The following EPB42 variants were observed in gnomAD, a reference collection of about 807,000 sequenced individuals.
EPB42 encodes the protein erythrocyte membrane protein band 4.2, also known as protein 4.2.
In EPB42, 49 loss-of-function variants were observed where a neutral mutation model predicts 76.9. The observed-to-expected ratio is 0.64, with a 90% CI of 0.51 to 0.81. The LOEUF (loss-of-function observed/expected upper bound fraction) is 0.81. Among genes scored for constraint, EPB42 ranks in the 30% least tolerant of loss-of-function variants. The probability of loss-of-function intolerance (pLI) is 0.00; values close to 1 mark genes in which losing one functional copy is unlikely to be tolerated. For synonymous variants in EPB42, 310 were observed against 338.4 expected (o/e 0.92, Z 0.92); for missense variants, 731 against 867.6 (o/e 0.84, Z 1.98).
chr15:43,224,174 C>A (rs1264749218), upstream of EPB42, among the ~76,000 whole-genome samples: 1 of 152,210 alleles, frequency 6.6e-6, no homozygotes, highest in Non-Finnish European at 1.5e-5. Context: ...CACATGCCCT[C>A]TTCCCTGTGT....
intron 5 of EPB42, among the ~76,000 whole-genome samples, chr15:43,209,823 G>T (rs545528699): frequency 6.6e-4 from 101 of 152,344 alleles, no homozygotes; most frequent in Middle Eastern, 3.4e-3. Flanking sequence ...CAACTCACAG[G>T]CTGGCCTGGA....
At chr15:43,208,427 G>T (rs535812077) in intron 7 of EPB42, 94 bp from the exon 8 acceptor site, 1 of 1,451,302 alleles carries the variant, frequency 6.9e-7, no homozygotes, top group South Asian at 1.1e-5. Context: ...TGTTGTTCCA[G>T]TGGGATGGGA....
At chr15:43,224,365 G>A (rs2042489346), upstream of EPB42, among the ~76,000 whole-genome samples, 1 of 152,120 alleles carries the variant, frequency 6.6e-6, no homozygotes, top group South Asian at 2.1e-4. Flanking sequence ...AATTTTTGGG[G>A]AGGACACAAT....
chr15:43,208,566 C>T, intron 7 of EPB42, 71 bp downstream of exon 7: 1 of 1,608,386 alleles, frequency 6.2e-7, no homozygotes, highest in Non-Finnish European at 8.5e-7. Context: ...GGGTGGGGCT[C>T]CTGCAGAGGT....
intron 3 of EPB42, among the ~76,000 whole-genome samples, chr15:43,213,141 T>C (rs927889808): frequency 6.6e-6 from 1 of 152,118 alleles, no homozygotes; most frequent in African/African-American, 2.4e-5. Flanking sequence ...TTTATTTTTT[T>C]GGAAATTACT....
chr15:43,218,720 C>G (rs968800296), intron 1 of EPB42, among the ~76,000 whole-genome samples: 1 of 152,246 alleles, frequency 6.6e-6, no homozygotes, highest in African/African-American at 2.4e-5. Context: ...GCCTCAGGCC[C>G]CCACCTGTGC....
intron 3 of EPB42, among the ~76,000 whole-genome samples, chr15:43,213,747 C>A (rs1432172323): frequency 3.3e-5 from 5 of 152,238 alleles, no homozygotes; most frequent in African/African-American, 1.2e-4. Context: ...CTACATTCAA[C>A]CACGTGGGGC....
rs772016528 is a variant in EPB42 at position 43,207,209 on chromosome 15, C to T, written c.1308G>A (p.Lys436=). The stretch of plus-strand genomic sequence containing the variant: ...TTCCCTGGCCCGTACCTTCAGGATA[C>T]TTGTAGTTCTGAGTGATGTCCTCGC... The part of the protein sequence containing the change: ...DRCEDITQNY[K]YPEGSLQEKE... Residue 436 remains lysine (K), a synonymous_variant, in exon 9 of 13, where the codon AAG becomes AAA. Coordinates refer to ENST00000441366, the MANE Select transcript of EPB42 (RefSeq NM_001114134.2). 6.2e-7 allele frequency: 1 copy of T among 1,614,042 alleles called. No homozygotes were observed. Among genetic ancestry groups the T allele is most frequent in the Non-Finnish European group, 8.5e-7 (1 of 1,179,910 alleles).
At chr15:43,201,678 G>C (rs544774314) in intron 12 of EPB42, among the ~76,000 whole-genome samples, 166 bp downstream of exon 12, 2 of 152,304 alleles carry the variant, frequency 1.3e-5, no homozygotes, top group East Asian at 3.9e-4. Context: ...CAGATATGGT[G>C]GTCCTAGGAT....
At chr15:43,204,928 T>C (rs2142273686) in intron 10 of EPB42, among the ~76,000 whole-genome samples, 1 of 150,564 alleles carries the variant, frequency 6.6e-6, no homozygotes, top group East Asian at 2.0e-4. Context: ...GATCGGAGTC[T>C]CTGAACCTAC....
intron 1 of EPB42, among the ~76,000 whole-genome samples, chr15:43,220,378 T>A (rs2042438935): frequency 6.6e-6 from 1 of 152,052 alleles, no homozygotes; most frequent in Non-Finnish European, 1.5e-5. Flanking sequence ...CTGTGACACC[T>A]TCATGCTACC....
chr15:43,202,365 C>A (rs558790777), intron 11 of EPB42, among the ~76,000 whole-genome samples: 3 of 152,206 alleles, frequency 2.0e-5, no homozygotes, highest in Non-Finnish European at 2.9e-5. Flanking sequence ...ACACGCCTCA[C>A]GCTACCTTCC....
chr15:43,219,794 A>C (rs982419121), intron 1 of EPB42, among the ~76,000 whole-genome samples: 4 of 152,040 alleles, frequency 2.6e-5, no homozygotes, highest in Non-Finnish European at 5.9e-5. Context: ...AAAATACAAA[A>C]AATTAGCCGG....
intron 10 of EPB42, among the ~76,000 whole-genome samples, chr15:43,203,645 A>G (rs1018139649): frequency 3.3e-5 from 5 of 152,084 alleles, no homozygotes; most frequent in African/African-American, 1.2e-4. Flanking sequence ...TTGTCACCTT[A>G]CAGAAGAAAT....
chr15:43,203,257 C>A lies in EPB42; in HGVS notation c.1637G>T (p.Gly546Val). 1 of 1,614,002 alleles carries A rather than the reference C, an allele frequency of 6.2e-7. No individual in the cohort carries two copies. Among genetic ancestry groups the A allele is most frequent in the Non-Finnish European group, 8.5e-7 (1 of 1,180,014 alleles). Reference sequence around the variant, plus strand: ...TCGCTCAAAATTGGAGAAGAACAGGCCGATGGTTATTATCTTTTCTGAAAC... The same window carrying A: ...TCGCTCAAAATTGGAGAAGAACAGGACGATGGTTATTATCTTTTCTGAAAC... ...SANLEKIITI[G>V]LFFSNFERNP... The change falls in exon 11 of 13, where the codon GGC becomes GTC. Residue 546 changes from glycine (G) to valine (V), a missense_variant. Transcript: ENST00000441366.
In EPB42 at chr15:43,209,390, C is replaced by T; in HGVS notation, c.716G>A (p.Gly239Glu). 6.2e-7 allele frequency: 1 copy of T among 1,613,830 alleles called. No individual in the cohort carries two copies. The highest frequency in any genetic ancestry group is 8.5e-7 in the Non-Finnish European group (1 of 1,179,886). Residue 239 changes from glycine (G) to glutamate (E), a missense_variant, in exon 6 of 13, where the codon GGG becomes GAG. Transcript: ENST00000441366. ...GCCCCGGCGCTTGTTCAGCAAGGCC[C>T]CTTCCTGGGTGGCCTGGGTCTGCGG... ...PTPQTQATQE[G>E]ALLNKRRGSV...
In EPB42 at chr15:43,210,410, C is replaced by T; in HGVS notation, c.579G>A (p.Leu193=). Residue 193 remains leucine (L), a synonymous_variant, in exon 5 of 13, where the codon CTG becomes CTA. Coordinates refer to ENST00000441366, the MANE Select transcript of EPB42 (RefSeq NM_001114134.2). ...CCTGCTTGTCCTTGCTCAGCAAGCG[C>T]AGGCTGAGGTCAATGACATCCCCCT... ...QFEGDVIDLS[L]RLLSKDKQVE... 1 of 1,613,928 alleles carries T rather than the reference C, an allele frequency of 6.2e-7. No homozygotes were observed. The highest frequency in any genetic ancestry group is 8.5e-7 in the Non-Finnish European group (1 of 1,179,988).
At chr15:43,203,824 G>T (rs2042162545) in intron 10 of EPB42, among the ~76,000 whole-genome samples, 1 of 152,060 alleles carries the variant, frequency 6.6e-6, no homozygotes, top group Non-Finnish European at 1.5e-5. Context: ...TGTAAAGTGG[G>T]GATAGCAATG....
intron 3 of EPB42, 30 bp downstream of exon 3, chr15:43,215,065 C>A: frequency 1.3e-6 from 2 of 1,592,006 alleles, no homozygotes; most frequent in East Asian, 4.5e-5. Flanking sequence ...AGTCTCCATG[C>A]AGCCCAGGCT....
Sources: allele counts gnomAD v4.1 joint callset (sites outside exome capture counted in the v4.1 genomes callset), GRCh38; gene constraint gnomAD v4.1.1; transcripts MANE v1.5; gene names NCBI Gene and HGNC (gene_info 2026-07-23, HGNC 2026-07-21).